Variants in PLXDC1 observed in about 807,000 individuals in gnomAD.
The protein encoded by PLXDC1 is plexin domain-containing protein 1.
A neutral mutation model predicts 61.3 loss-of-function variants in PLXDC1; 39 were observed. The observed-to-expected ratio is 0.64, with a 90% CI of 0.49 to 0.83. The LOEUF is 0.83. Ranked by LOEUF, PLXDC1 falls within the 40% of genes least tolerant of loss-of-function variation. The probability of loss-of-function intolerance (pLI) is 0.00; values close to 1 mark genes in which losing one functional copy is unlikely to be tolerated. For missense variants in PLXDC1, 596 were observed against 666.5 expected (o/e 0.89, Z 1.17); for synonymous variants, 212 against 254.5 (o/e 0.83, Z 1.59).
intron 2 of PLXDC1, among the ~76,000 whole-genome samples, chr17:39,124,924 C>T (rs28567956): frequency 0.027 from 4,143 of 152,264 alleles, 174 homozygotes; most frequent in African/African-American, 0.089. Flanking sequence ...AGTGATCCTC[C>T]CACCTCAGCC....
intron 13 of PLXDC1, among the ~76,000 whole-genome samples, chr17:39,068,302 G>A (rs1908976602): frequency 6.6e-6 from 1 of 152,226 alleles, no homozygotes; most frequent in African/African-American, 2.4e-5. Context: ...TGGCTGGCAT[G>A]ATGCTTGAGG....
At chr17:39,142,583 C>T (rs1911969377) in intron 1 of PLXDC1, among the ~76,000 whole-genome samples, 1 of 152,218 alleles carries the variant, frequency 6.6e-6, no homozygotes, top group Admixed American at 6.5e-5. Context: ...TGCAGTGGCA[C>T]AATCACAGCT....
intron 9 of PLXDC1, 30 bp downstream of exon 9, chr17:39,083,429 G>A (rs1264388379): frequency 1.3e-6 from 2 of 1,587,572 alleles, no homozygotes; most frequent in Non-Finnish European, 1.7e-6. Context: ...GTCGGCCAGT[G>A]GGAGTCAGCA....
intron 2 of PLXDC1, among the ~76,000 whole-genome samples, chr17:39,115,042 G>T (rs184246201): frequency 7.2e-5 from 11 of 152,328 alleles, no homozygotes; most frequent in Admixed American, 1.3e-4. Context: ...CCCGTTGCTC[G>T]GAGTTCTCTG....
intron 9 of PLXDC1, 117 bp from the exon 10 acceptor site, chr17:39,079,281 T>G (rs1366375965): frequency 5.9e-6 from 5 of 850,144 alleles, no homozygotes; most frequent in Non-Finnish European, 9.9e-6. Flanking sequence ...GTCCCCAGGC[T>G]GAGGTAGTCA....
At chr17:39,128,161 A>ATATATATG (rs1911404527) in intron 2 of PLXDC1, among the ~76,000 whole-genome samples, 1 of 76,934 alleles carries the variant, frequency 1.3e-5, no homozygotes, top group African/African-American at 6.3e-5. Context: ...GTGTATATAT[A>ATATATATG]TGTATATATA....
intron 5 of PLXDC1, 117 bp from the exon 6 acceptor site, chr17:39,107,642 A>G: frequency 1.3e-6 from 1 of 784,934 alleles, no homozygotes; most frequent in Non-Finnish European, 2.3e-6. Context: ...ATGATGGGGA[A>G]GTTTGCAAAG....
chr17:39,087,235 C>T (rs1456700089), intron 8 of PLXDC1, among the ~76,000 whole-genome samples: 1 of 152,200 alleles, frequency 6.6e-6, no homozygotes, highest in Non-Finnish European at 1.5e-5. Context: ...AACTGAGGCC[C>T]GTCTAGTTCC....
chr17:39,069,874 A>T lies in PLXDC1; in HGVS notation c.1365T>A (p.Ala455=). 3 of 1,614,022 alleles carry T rather than the reference A, an allele frequency of 1.9e-6. No homozygotes were observed. Among genetic ancestry groups the T allele is most frequent in the Non-Finnish European group, 2.5e-6 (3 of 1,179,896 alleles). The change falls in exon 13 of 14, where the codon GCT becomes GCA. Residue 455 remains alanine (A), a synonymous_variant. Coordinates refer to ENST00000315392, the MANE Select transcript of PLXDC1 (RefSeq NM_020405.5). ...IYINGHPTSN[A]ALFFIERRPH... ...CACGGACCTCGATGAAGAAGAGCGC[A>T]GCATTGGATGTGGGGTGGCCATTGA...
chr17:39,134,661 A>G (rs2143900784), intron 2 of PLXDC1, among the ~76,000 whole-genome samples: 1 of 152,026 alleles, frequency 6.6e-6, no homozygotes, highest in South Asian at 2.1e-4. Context: ...AACAAAGAAA[A>G]GAAAAGAAAG....
intron 2 of PLXDC1, among the ~76,000 whole-genome samples, chr17:39,134,086 T>A (rs920095539): frequency 1.3e-5 from 2 of 151,590 alleles, no homozygotes; most frequent in African/African-American, 4.8e-5. Flanking sequence ...TGAAACCCCA[T>A]CTCTACTAAA....
chr17:39,139,404 T>C (rs925865825), intron 2 of PLXDC1, among the ~76,000 whole-genome samples: 2 of 152,166 alleles, frequency 1.3e-5, no homozygotes, highest in African/African-American at 4.8e-5. Context: ...TGCATCCTGA[T>C]ACAATCCATT....
chr17:39,109,164 C>T (rs1910705489), intron 3 of PLXDC1, 84 bp downstream of exon 3: 1 of 1,511,088 alleles, frequency 6.6e-7, no homozygotes, highest in South Asian at 1.3e-5. Context: ...CCTCGGGCCA[C>T]AGCCATGCCC....
At chr17:39,123,489 C>A (rs1379087701) in intron 2 of PLXDC1, among the ~76,000 whole-genome samples, 2 of 152,058 alleles carry the variant, frequency 1.3e-5, no homozygotes, top group South Asian at 2.1e-4. Context: ...CGCGCCTGGC[C>A]TCTTGCAAGG....
rs1197498317 is a variant in PLXDC1 at position 39,107,521 on chromosome 17, T to C, written c.597A>G (p.Thr199=). 2 of 1,609,598 alleles carry C rather than the reference T, an allele frequency of 1.2e-6. No homozygotes were observed. The highest frequency in any genetic ancestry group is 1.1e-5 in the South Asian group (1 of 91,002). The change falls in exon 6 of 14, where the codon ACA becomes ACG. Residue 199 remains threonine, a synonymous_variant. Transcript: ENST00000315392. ...CGTGGTCCCACTGAACCACAAAGAC[T>C]GTCCCTGGGGAGAAGAACAGAGACC... ...NSTVVYFDNG[T]VFVVQWDHVY... is the part of the protein sequence containing the mutation.
intron 2 of PLXDC1, among the ~76,000 whole-genome samples, chr17:39,134,291 C>A (rs534185248): frequency 1.8e-4 from 27 of 151,000 alleles, no homozygotes; most frequent in Non-Finnish European, 2.8e-4. Context: ...AAAATAAAGT[C>A]TATTCCCTGT....
At chr17:39,091,258 C>T (rs1215035076) in intron 7 of PLXDC1, among the ~76,000 whole-genome samples, 1 of 152,162 alleles carries the variant, frequency 6.6e-6, no homozygotes, top group African/African-American at 2.4e-5. Flanking sequence ...GAATTTCCCA[C>T]GCCCCCTCTG....
At chr17:39,121,740 C>A (rs956933738) in intron 2 of PLXDC1, among the ~76,000 whole-genome samples, 1 of 152,174 alleles carries the variant, frequency 6.6e-6, no homozygotes, top group Admixed American at 6.6e-5. Flanking sequence ...AACCATATTT[C>A]CCAGCCCTCC....
intron 1 of PLXDC1, among the ~76,000 whole-genome samples, chr17:39,148,079 T>C (rs1597663804): frequency 6.6e-6 from 1 of 150,390 alleles, no homozygotes; most frequent in Non-Finnish European, 1.5e-5. Flanking sequence ...GCAGCTGGAG[T>C]GGGTTAAGGG....
Sources: gnomAD v4.1 joint callset for allele counts (sites outside exome capture counted in the v4.1 genomes callset) on GRCh38, gnomAD v4.1.1 for gene constraint, MANE v1.5 for transcripts, NCBI Gene and HGNC (gene_info 2026-07-23, HGNC 2026-07-21) for gene names.